The following NUFIP2 variants were observed in gnomAD, a reference collection of about 807,000 sequenced individuals.
The protein encoded by NUFIP2 is FMR1-interacting protein NUFIP2.
A neutral mutation model predicts 56.9 loss-of-function variants in NUFIP2; 6 were observed. That is an observed-to-expected ratio of 0.11 (90% confidence interval 0.06 to 0.21). The LOEUF (loss-of-function observed/expected upper bound fraction) is 0.21, where lower values mean the gene tolerates loss of function less well. Among genes scored for constraint, NUFIP2 ranks in the 10% least tolerant of loss-of-function variants. NUFIP2 has a pLI of 1.00. For missense variants in NUFIP2, 828 were observed against 826.8 expected (o/e 1.00, Z -0.02); for synonymous variants, 321 against 298.2 (o/e 1.08, Z -0.79).
rs2069172341 is a variant in NUFIP2 at position 29,286,168 on chromosome 17, T to C, written c.1826A>G (p.Gln609Arg). ...GDLQKADTSS[Q>R]GALVFLSKDY... The stretch of plus-strand genomic sequence containing the variant: ...CTTTGAGAGAAACACTAAAGCACCT[T>C]GACTACTGGTGTCTGCTTTCTGCAG... The change falls in exon 2 of 4, where the codon CAA (glutamine) becomes CGA (arginine). Residue 609 changes from glutamine to arginine, a missense_variant. Transcript: ENST00000225388. 4.3e-6 allele frequency: 7 copies of C among 1,614,070 alleles called. No individual in the cohort carries two copies. The highest frequency in any genetic ancestry group is 5.9e-6 in the Non-Finnish European group (7 of 1,179,972).
In NUFIP2 at chr17:29,263,315, A is replaced by T. The variant is rs2153010514; in HGVS notation, c.*1224T>A. On this transcript the variant is annotated 3_prime_UTR_variant, in exon 4 of 4. Transcript: ENST00000225388. ...CTCTGCCCCAAAGAAAATTTCCAGA[A>T]TTTCACATTATTTTCCTTAAAAACC... 6.6e-6 allele frequency: 1 copy of T among 152,662 alleles called. No homozygotes were observed. The highest frequency in any genetic ancestry group is 2.1e-4 in the South Asian group (1 of 4,820). The allele number at this position is 152,662 out of a possible 1,614,324, so 9.5% of individuals were successfully genotyped here.
At chr17:29,284,544 A>G (rs2069159396) in intron 2 of NUFIP2, among the ~76,000 whole-genome samples, 1 of 151,578 alleles carries the variant, frequency 6.6e-6, no homozygotes, top group Non-Finnish European at 1.5e-5. Flanking sequence ...CATCTCTACT[A>G]AAAATATAAA....
chr17:29,259,149 A>T lies in NUFIP2; in HGVS notation c.*5390T>A, dbSNP rs1349302181. ...AGAGCCTTTGATTAGCACCTGAGGA[A>T]AAAAGGGTACATGGAAAGCTATGTA... is the stretch of plus-strand genomic sequence containing the variant. On this transcript the variant is annotated 3_prime_UTR_variant, in exon 4 of 4. Transcript: ENST00000225388. 6.6e-6 allele frequency: 1 copy of T among 152,238 alleles called. No individual in the cohort carries two copies. Among genetic ancestry groups the T allele is most frequent in the Non-Finnish European group, 1.5e-5 (1 of 68,038 alleles). 9.4% of individuals were successfully genotyped at this position (152,238 alleles called of 1,614,324 possible).
At chr17:29,265,655 TAC>T (rs968264659) in intron 3 of NUFIP2, among the ~76,000 whole-genome samples, 1 of 143,264 alleles carries the variant, frequency 7.0e-6, no homozygotes, top group Non-Finnish European at 1.5e-5. Context: ...ATTATATATA[TAC>T]ACACACATAT....
intron 3 of NUFIP2, among the ~76,000 whole-genome samples, chr17:29,265,403 C>T (rs1407335397): frequency 1.4e-5 from 2 of 145,992 alleles, no homozygotes; most frequent in Non-Finnish European, 3.0e-5. Context: ...CCCGGGTTCA[C>T]GCCATTCTCC....
intron 2 of NUFIP2, among the ~76,000 whole-genome samples, chr17:29,275,071 C>G (rs960636679): frequency 6.6e-6 from 1 of 151,880 alleles, no homozygotes; most frequent in South Asian, 2.1e-4. Flanking sequence ...ATTACCCAGG[C>G]TGGAATGCTC....
chr17:29,264,368 T>TA lies in NUFIP2; in HGVS notation c.*170dup. On this transcript the variant is annotated 3_prime_UTR_variant, in exon 4 of 4. Coordinates refer to ENST00000225388, the MANE Select transcript of NUFIP2 (RefSeq NM_020772.3). ...TCTAATTACTTTCAGTTGCCTTTTT[T>TA]AAATAACTATATATATATATATGTA... 1.4e-5 allele frequency: 3 copies of TA among 210,598 alleles called. No individual in the cohort carries two copies. Among genetic ancestry groups the TA allele is most frequent in the Non-Finnish European group, 1.9e-5 (2 of 107,494 alleles). The allele number at this position is 210,598 out of a possible 1,614,324, so 13.0% of individuals were successfully genotyped here.
chr17:29,275,256 T>C (rs1390460241), intron 2 of NUFIP2, among the ~76,000 whole-genome samples: 1 of 152,098 alleles, frequency 6.6e-6, no homozygotes, highest in East Asian at 1.9e-4. Flanking sequence ...ACTCCTGACC[T>C]CAGGTGATCC....
At chr17:29,276,594 T>A (rs1288694232) in intron 2 of NUFIP2, among the ~76,000 whole-genome samples, 1 of 152,138 alleles carries the variant, frequency 6.6e-6, no homozygotes, top group Non-Finnish European at 1.5e-5. Context: ...AGCCTTGGCC[T>A]CCCAAAGTGC....
chr17:29,279,900 C>G (rs964877560), intron 2 of NUFIP2, among the ~76,000 whole-genome samples: 1 of 152,166 alleles, frequency 6.6e-6, no homozygotes, highest in African/African-American at 2.4e-5. Context: ...CCCACTGCAA[C>G]TTCCACCTCC....
intron 3 of NUFIP2, among the ~76,000 whole-genome samples, chr17:29,266,562 C>A (rs576364655): frequency 6.6e-6 from 1 of 151,906 alleles, no homozygotes; most frequent in African/African-American, 2.4e-5. Flanking sequence ...GTATACTATT[C>A]AATTCAAAAT....
intron 2 of NUFIP2, among the ~76,000 whole-genome samples, chr17:29,271,006 G>A (rs1269695340): frequency 6.6e-6 from 1 of 152,028 alleles, no homozygotes; most frequent in Non-Finnish European, 1.5e-5. Context: ...ACATATTTTA[G>A]AATAAAGAAG....
intron 2 of NUFIP2, among the ~76,000 whole-genome samples, chr17:29,275,441 C>T (rs975064532): frequency 2.6e-5 from 4 of 152,042 alleles, no homozygotes; most frequent in African/African-American, 9.7e-5. Flanking sequence ...CAGAGAATGA[C>T]CCCAGGAAGG....
At chr17:29,273,282 C>A (rs2069087275) in intron 2 of NUFIP2, among the ~76,000 whole-genome samples, 1 of 152,184 alleles carries the variant, frequency 6.6e-6, no homozygotes, top group Non-Finnish European at 1.5e-5. Context: ...TCGTGATCCA[C>A]CCGCCTCGGC....
rs772554784 is a variant in NUFIP2, at chr17:29,293,940, G to A, written c.120C>T (p.Asn40=). Residue 40 remains asparagine, a synonymous_variant, in exon 1 of 4, where the codon AAC becomes AAT. Transcript: ENST00000225388. ...GGTGGTGGTGGTGGTTGTGGCTGTG[G>A]TTGTAGAAATAATAATGGTGGTGGT... The part of the protein sequence containing the change: ...PHHHHHYYFY[N]HSHNHHHHHH... 2 of 1,613,160 alleles carry A rather than the reference G, an allele frequency of 1.2e-6. No homozygotes were observed. Among genetic ancestry groups the A allele is most frequent in the African/African-American group, 2.7e-5 (2 of 74,832 alleles).
rs765292885 is a variant in NUFIP2, at chr17:29,286,655, A to T, written c.1339T>A (p.Ser447Thr). The T allele has an allele frequency of 4.3e-6, 7 of 1,614,048 alleles. No individual in the cohort carries two copies. Among genetic ancestry groups the T allele is most frequent in the South Asian group, 1.1e-5 (1 of 91,086 alleles). Reference sequence around the variant, plus strand: ...TGGAGAACTGAATCTGTCCCAGAAGAGATGGGTGTTAGAGTATTAGCAGCA... The same window carrying T: ...TGGAGAACTGAATCTGTCCCAGAAGTGATGGGTGTTAGAGTATTAGCAGCA... ...TTAANTLTPI[S>T]SGTDSVLQDM... Residue 447 changes from serine (S) to threonine (T), a missense_variant, in exon 2 of 4, where the codon TCT becomes ACT. By Grantham distance (58) the Ser-to-Thr change is moderately conservative. Transcript: ENST00000225388.
Position 29,287,298 on chromosome 17 carries a change from C to A in NUFIP2, c.696G>T (p.Lys232Asn), listed in dbSNP as rs147602967. 2.5e-6 allele frequency: 4 copies of A among 1,614,196 alleles called. No individual in the cohort carries two copies. The highest frequency in any genetic ancestry group is 3.4e-6 in the Non-Finnish European group (4 of 1,180,036). The change falls in exon 2 of 4, where the codon AAG becomes AAT. Residue 232 changes from lysine to asparagine, a missense_variant. Lys to Asn is a moderately conservative substitution (Grantham distance 94). Around this residue, in one of 3 missense-constraint regions of NUFIP2, gnomAD observed 415 missense variants for 408.7 expected, o/e 1.02. Transcript: ENST00000225388. ...KKRKARRNSAKGCENLNIVQD... is the reference protein window; with the variant it reads ...KKRKARRNSANGCENLNIVQD... Reference sequence around the variant, plus strand: ...GCACTATATTAAGGTTTTCACAACCCTTGGCACTATTGCGCCTAGCTTTCC... The same window carrying A: ...GCACTATATTAAGGTTTTCACAACCATTGGCACTATTGCGCCTAGCTTTCC...
At chr17:29,279,938 C>T (rs939007755) in intron 2 of NUFIP2, among the ~76,000 whole-genome samples, 1 of 152,148 alleles carries the variant, frequency 6.6e-6, no homozygotes, top group Non-Finnish European at 1.5e-5. Flanking sequence ...CCCACCTCAG[C>T]CTCCCAATTA....
intron 1 of NUFIP2, among the ~76,000 whole-genome samples, chr17:29,290,501 GAA>G (rs1198367406): frequency 6.8e-6 from 1 of 146,390 alleles, no homozygotes; most frequent in Non-Finnish European, 1.5e-5. Flanking sequence ...CTAAAAAAAA[GAA>G]AAAAAAAATC....
Sources: allele counts gnomAD v4.1 joint callset (sites outside exome capture counted in the v4.1 genomes callset), GRCh38; gene constraint gnomAD v4.1.1; regional missense constraint gnomAD v4.1.1; transcripts MANE v1.5; gene names NCBI Gene and HGNC (gene_info 2026-07-23, HGNC 2026-07-21).